CRYBB1: variants seen among roughly 807,000 people sequenced by gnomAD.
CRYBB1 encodes the protein beta-crystallin B1.
A neutral mutation model predicts 29.5 loss-of-function variants in CRYBB1; 16 were observed. That is an observed-to-expected ratio of 0.54 (90% CI 0.37 to 0.82). CRYBB1 has a LOEUF of 0.82. CRYBB1 is among the 40% of genes least tolerant of loss of function. The probability of loss-of-function intolerance (pLI) is 0.00; values close to 1 mark genes in which losing one functional copy is unlikely to be tolerated. For missense variants in CRYBB1, 300 were observed against 350.5 expected (o/e 0.86, Z 1.15); for synonymous variants, 127 against 136.7 (o/e 0.93, Z 0.49).
rs564548737 is a variant in CRYBB1, at chr22:26,605,146, C to G, written c.432+2743G>C. 4.6e-4 allele frequency among the ~76,000 whole-genome samples: 70 copies of G among 152,316 alleles called. No individual in the cohort carries two copies. In the South Asian group the frequency reaches 0.014, roughly 30 times the overall value. The stretch of plus-strand genomic sequence containing the variant: ...TGGGAGCTGGCTTCCCTGATGACCC[C>G]CTGACCACTCCCACCTCTAACAATA... On this transcript the variant is annotated intron_variant, in intron 4 of 5. Coordinates refer to ENST00000647684, the MANE Select transcript of CRYBB1 (RefSeq NM_001887.4).
intron 4 of CRYBB1, among the ~76,000 whole-genome samples, chr22:26,606,684 T>C (rs5752354): frequency 0.033 from 5,079 of 152,338 alleles, 209 homozygotes; most frequent in East Asian, 0.17. Context: ...TCTGTTTGAA[T>C]AATCCATTAA....
intron 4 of CRYBB1, among the ~76,000 whole-genome samples, chr22:26,605,243 T>C (rs969184511): frequency 6.6e-6 from 1 of 152,156 alleles, no homozygotes; most frequent in Non-Finnish European, 1.5e-5. Context: ...CTACCACAGT[T>C]TGCAATTGTA....
chr22:26,611,124 G>A (rs1478359630), intron 3 of CRYBB1, among the ~76,000 whole-genome samples: 1 of 152,156 alleles, frequency 6.6e-6, no homozygotes, highest in Non-Finnish European at 1.5e-5. Context: ...AACAGGCAGT[G>A]AAGCATGGTG....
intron 4 of CRYBB1, among the ~76,000 whole-genome samples, chr22:26,603,527 C>G (rs1928886623): frequency 6.6e-6 from 1 of 151,572 alleles, no homozygotes; most frequent in African/African-American, 2.4e-5. Flanking sequence ...AAGACTGTCT[C>G]AAACAACAAC....
intron 4 of CRYBB1, among the ~76,000 whole-genome samples, chr22:26,607,405 TC>T (rs1929011053): frequency 6.6e-6 from 1 of 151,944 alleles, no homozygotes; most frequent in East Asian, 1.9e-4. Context: ...TGAAAAGTTT[TC>T]CCAGGCCTGG....
chr22:26,605,714 C>A (rs1602323443), intron 4 of CRYBB1, among the ~76,000 whole-genome samples: 1 of 145,766 alleles, frequency 6.9e-6, no homozygotes, highest in African/African-American at 2.5e-5. Context: ...ACAGGCCAAC[C>A]AAAATGTCTG....
intron 3 of CRYBB1, among the ~76,000 whole-genome samples, chr22:26,608,246 A>G (rs948439418): frequency 5.3e-5 from 8 of 152,094 alleles, no homozygotes; most frequent in African/African-American, 1.7e-4. Flanking sequence ...TCTCATCTAC[A>G]CTCATATGCC....
chr22:26,613,918 TG>T (rs1929259663), intron 2 of CRYBB1, among the ~76,000 whole-genome samples: 2 of 152,316 alleles, frequency 1.3e-5, no homozygotes, highest in Admixed American at 6.5e-5. Flanking sequence ...AATGCGCACC[TG>T]GGGTTAGGTC....
chr22:26,601,818 A>T, intron 5 of CRYBB1, 61 bp downstream of exon 5: 1 of 1,609,342 alleles, frequency 6.2e-7, no homozygotes. Flanking sequence ...TAAGGGGAGC[A>T]GCCTCTGATT....
chr22:26,609,105 TC>T (rs1929076244), intron 3 of CRYBB1, among the ~76,000 whole-genome samples: 1 of 152,008 alleles, frequency 6.6e-6, no homozygotes, highest in African/African-American at 2.4e-5. Context: ...GTTCAAGAGT[TC>T]TTAGGAAAAA....
intron 4 of CRYBB1, among the ~76,000 whole-genome samples, chr22:26,605,959 G>A (rs374589978): frequency 1.3e-4 from 20 of 152,266 alleles, no homozygotes; most frequent in Middle Eastern, 3.4e-3. Context: ...GCTCAGGATG[G>A]CTTTGAATGT....
chr22:26,606,044 T>C lies in CRYBB1; in HGVS notation c.432+1845A>G, dbSNP rs148911431. On this transcript the variant is annotated intron_variant, in intron 4 of 5. Transcript: ENST00000647684. The stretch of plus-strand genomic sequence containing the variant: ...TGCAATTGTTTTAAAGCTCATCCGC[T>C]ATCGTTAGTGATAGTGTATTTTATG... Among the ~76,000 whole-genome samples, 554 of 152,390 alleles carry C rather than the reference T, an allele frequency of 3.6e-3. 3 individuals carry two copies. The highest frequency in any genetic ancestry group is 6.3e-3 in the Non-Finnish European group (429 of 68,042).
At chr22:26,603,145 CA>C (rs1422540890) in intron 4 of CRYBB1, among the ~76,000 whole-genome samples, 1 of 133,232 alleles carries the variant, frequency 7.5e-6, no homozygotes, top group Non-Finnish European at 1.6e-5. Flanking sequence ...AAAAAAAAAA[CA>C]AAAAACAAAT....
intron 1 of CRYBB1, 82 bp from the exon 2 acceptor site, chr22:26,616,420 C>T (rs765199206): frequency 3.3e-5 from 30 of 904,298 alleles, no homozygotes; most frequent in Non-Finnish European, 4.6e-5. Flanking sequence ...TGCTTTCAGC[C>T]TCCTTGGAGC....
chr22:26,612,223 A>G, intron 2 of CRYBB1, 33 bp from the exon 3 acceptor site: 1 of 1,456,576 alleles, frequency 6.9e-7, no homozygotes, highest in South Asian at 1.1e-5. Context: ...CCAAGGGCAG[A>G]GTGAGGGGGG....
chr22:26,602,847 G>A (rs1341130707), intron 4 of CRYBB1, among the ~76,000 whole-genome samples: 1 of 151,946 alleles, frequency 6.6e-6, no homozygotes, highest in Non-Finnish European at 1.5e-5. Flanking sequence ...CTCTAGGCCG[G>A]GTGCGATGGC....
chr22:26,612,683 G>A (rs756700801), intron 2 of CRYBB1, among the ~76,000 whole-genome samples: 95 of 152,190 alleles, frequency 6.2e-4, no homozygotes, highest in Non-Finnish European at 1.2e-3. Context: ...TAAGATCTGC[G>A]CCATCATTAG....
In CRYBB1 at chr22:26,609,397, AATGGGTGGATGG is replaced by A. The variant is rs201000560; in HGVS notation, c.300-1388_300-1377del. 7.2e-4 allele frequency among the ~76,000 whole-genome samples: 109 copies of A among 152,218 alleles called. 2 individuals carry two copies. The East Asian group carries it at 0.015, about 21-fold the overall frequency. ...GAATAGATGGATGGATGGACAGATG[AATGGGTGGATGG>A]ATGGGTGGATGAAAGGATGGTTGAA... On this transcript the variant is annotated intron_variant, in intron 3 of 5. Transcript: ENST00000647684.
chr22:26,603,042 G>A (rs192527443), intron 4 of CRYBB1, among the ~76,000 whole-genome samples: 58 of 147,974 alleles, frequency 3.9e-4, no homozygotes, highest in Non-Finnish European at 5.1e-4. Context: ...GGAGAATGGC[G>A]TGAACCCAGG....
Sources: gnomAD v4.1 joint callset for allele counts (sites outside exome capture counted in the v4.1 genomes callset) on GRCh38, gnomAD v4.1.1 for gene constraint, MANE v1.5 for transcripts, NCBI Gene and HGNC (gene_info 2026-07-23, HGNC 2026-07-21) for gene names.